The following UNC13C variants were observed in gnomAD, a reference collection of about 807,000 sequenced individuals.
The protein encoded by UNC13C is unc-13 homolog C.
UNC13C carries 174 observed loss-of-function variants against 245.4 expected under a neutral mutation model. The observed-to-expected ratio is 0.71, with a 90% CI of 0.63 to 0.80. The LOEUF (loss-of-function observed/expected upper bound fraction) is 0.80, where lower values mean the gene tolerates loss of function less well. Ranked by LOEUF, UNC13C falls within the 30% of genes least tolerant of loss-of-function variation. The probability of loss-of-function intolerance (pLI) is 0.00; values close to 1 mark genes in which losing one functional copy is unlikely to be tolerated. For missense variants in UNC13C, 2,829 were observed against 2,602.9 expected (o/e 1.09, Z -1.89); for synonymous variants, 992 against 895.1 (o/e 1.11, Z -1.93).
At chr15:54,094,234 G>A (rs912622375) in intron 2 of UNC13C, among the ~76,000 whole-genome samples, 2 of 152,132 alleles carry the variant, frequency 1.3e-5, no homozygotes, top group Non-Finnish European at 2.9e-5. Flanking sequence ...CCTTCCGTGT[G>A]TCCTTCACCC....
intron 19 of UNC13C, among the ~76,000 whole-genome samples, chr15:54,473,293 T>C (rs1892558367): frequency 1.3e-5 from 2 of 151,880 alleles, no homozygotes; most frequent in South Asian, 4.1e-4. Flanking sequence ...ATACAAAGAG[T>C]AATGATCAAA....
At chr15:54,578,862 G>A (rs1235230980) in intron 30 of UNC13C, among the ~76,000 whole-genome samples, 3 of 152,292 alleles carry the variant, frequency 2.0e-5, no homozygotes, top group Non-Finnish European at 4.4e-5. Context: ...AGAATTAGCC[G>A]AGCATGGTGA....
the UNC13C span, among the ~76,000 whole-genome samples, chr15:53,923,292 A>G: frequency 6.6e-6 from 1 of 152,256 alleles, no homozygotes; most frequent in Non-Finnish European, 1.5e-5. Context: ...ACGTAGCCTC[A>G]GAATCCAGAC....
At chr15:54,259,016 G>A (rs943702781) in intron 8 of UNC13C, among the ~76,000 whole-genome samples, 5 of 152,198 alleles carry the variant, frequency 3.3e-5, no homozygotes, top group African/African-American at 7.2e-5. Flanking sequence ...CATGGAGGGC[G>A]ATCTTCCAGG....
At chr15:53,932,946 C>T in the UNC13C span, among the ~76,000 whole-genome samples, 4 of 152,208 alleles carry the variant, frequency 2.6e-5, no homozygotes, top group Admixed American at 6.5e-5. Context: ...ACCTCCATTC[C>T]TAAGCTCCAG....
chr15:54,274,944 A>G (rs2036793000), intron 10 of UNC13C, among the ~76,000 whole-genome samples: 1 of 152,194 alleles, frequency 6.6e-6, no homozygotes. Context: ...TGCTGGGATT[A>G]TAGGTGTGAG....
At chr15:54,507,746 A>G (rs566625586) in intron 23 of UNC13C, among the ~76,000 whole-genome samples, 89 of 152,072 alleles carry the variant, frequency 5.9e-4, no homozygotes, top group Non-Finnish European at 1.1e-3. Flanking sequence ...TTTGAAATAT[A>G]GTAAGATTTA....
the UNC13C span, among the ~76,000 whole-genome samples, chr15:53,942,318 C>T: frequency 0.011 from 1,667 of 152,168 alleles, 29 homozygotes; most frequent in African/African-American, 0.038. Flanking sequence ...AACCAAACAC[C>T]GCATGTTCTC....
chr15:54,203,503 TACACACAC>T (rs1165484476), intron 4 of UNC13C, among the ~76,000 whole-genome samples: 12 of 135,336 alleles, frequency 8.9e-5, no homozygotes, highest in African/African-American at 3.6e-4. Flanking sequence ...TATATATATA[TACACACAC>T]ACACACACAT....
At chr15:54,543,617 C>T (rs1336484788) in intron 26 of UNC13C, among the ~76,000 whole-genome samples, 4 of 152,016 alleles carry the variant, frequency 2.6e-5, no homozygotes, top group Non-Finnish European at 5.9e-5. Context: ...GGTGATATCA[C>T]CACTGATCCC....
At chr15:54,493,588 G>A (rs968773965) in intron 19 of UNC13C, among the ~76,000 whole-genome samples, 26 of 152,062 alleles carry the variant, frequency 1.7e-4, no homozygotes, top group Admixed American at 1.7e-3. Context: ...TCTTCAAATA[G>A]TGTTTTAAGA....
intron 19 of UNC13C, among the ~76,000 whole-genome samples, chr15:54,450,567 A>T (rs1396642390): frequency 1.3e-5 from 2 of 152,192 alleles, no homozygotes; most frequent in African/African-American, 4.8e-5. Flanking sequence ...GGACCCTCTG[A>T]GCCAGACGTG....
At chr15:54,418,171 A>G (rs528656880) in intron 19 of UNC13C, among the ~76,000 whole-genome samples, 50 of 152,240 alleles carry the variant, frequency 3.3e-4, no homozygotes, top group Non-Finnish European at 5.7e-4. Flanking sequence ...TTTAGCCTCA[A>G]TCCTTACCCA....
intron 4 of UNC13C, among the ~76,000 whole-genome samples, chr15:54,186,726 C>T (rs2033996701): frequency 6.6e-6 from 1 of 151,694 alleles, no homozygotes; most frequent in East Asian, 1.9e-4. Context: ...TAGAGAAAAC[C>T]TTAATCATGC....
intron 13 of UNC13C, among the ~76,000 whole-genome samples, chr15:54,300,850 T>A (rs1165227246): frequency 6.6e-6 from 1 of 152,196 alleles, no homozygotes; most frequent in African/African-American, 2.4e-5. Flanking sequence ...AGAGCTATTA[T>A]GGTGTCTTGT....
At chr15:54,243,784 A>C (rs1307188212) in intron 7 of UNC13C, among the ~76,000 whole-genome samples, 1 of 152,074 alleles carries the variant, frequency 6.6e-6, no homozygotes, top group African/African-American at 2.4e-5. Flanking sequence ...CTTTTGAGAA[A>C]TTTATGTTCA....
At chr15:54,465,219 T>A (rs570495796) in intron 19 of UNC13C, among the ~76,000 whole-genome samples, 2 of 152,176 alleles carry the variant, frequency 1.3e-5, no homozygotes, top group African/African-American at 4.8e-5. Context: ...ACTGTGCTAG[T>A]GTATGATTCC....
intron 20 of UNC13C, among the ~76,000 whole-genome samples, chr15:54,496,737 G>A (rs1893965754): frequency 6.6e-6 from 1 of 151,896 alleles, no homozygotes; most frequent in South Asian, 2.1e-4. Context: ...AACATTATAT[G>A]TTTTCACTCA....
chr15:54,033,596 A>G (rs1267594000), intron 2 of UNC13C, among the ~76,000 whole-genome samples: 3 of 152,208 alleles, frequency 2.0e-5, no homozygotes, highest in Admixed American at 1.3e-4. Flanking sequence ...CCTGGGAATA[A>G]GTATTGTGAA....
Sources: gnomAD v4.1 joint callset for allele counts (sites outside exome capture counted in the v4.1 genomes callset) on GRCh38, gnomAD v4.1.1 for gene constraint, MANE v1.5 for transcripts, NCBI Gene and HGNC (gene_info 2026-07-23, HGNC 2026-07-21) for gene names.